Variants in STT3B observed in about 807,000 individuals in gnomAD.
STT3B encodes the protein dolichyl-diphosphooligosaccharide--protein glycosyltransferase subunit STT3B.
A neutral mutation model predicts 96.8 loss-of-function variants in STT3B; 29 were observed. The observed-to-expected ratio is 0.30, with a 90% CI of 0.22 to 0.41. STT3B has a LOEUF of 0.41. STT3B is among the 10% of genes least tolerant of loss of function. The pLI is 1.00. For missense variants in STT3B, 640 were observed against 1,022.3 expected (o/e 0.63, Z 5.10); for synonymous variants, 367 against 360.0 (o/e 1.02, Z -0.22).
chr3:31,577,142 C>A (rs573362558), intron 2 of STT3B, among the ~76,000 whole-genome samples: 28 of 152,118 alleles, frequency 1.8e-4, no homozygotes, highest in Admixed American at 6.5e-4. Flanking sequence ...TTTTTCTTAA[C>A]CCAAAGAAAC....
chr3:31,625,615 T>C (rs1188370284), intron 12 of STT3B, among the ~76,000 whole-genome samples: 1 of 152,234 alleles, frequency 6.6e-6, no homozygotes, highest in African/African-American at 2.4e-5. Flanking sequence ...AAGAAATGTA[T>C]GTGCTAGCAA....
intron 5 of STT3B, among the ~76,000 whole-genome samples, chr3:31,600,983 G>T (rs1238688410): frequency 2.6e-5 from 4 of 152,100 alleles, no homozygotes; most frequent in African/African-American, 9.7e-5. Context: ...CCATGATAGA[G>T]TTAGAACTTC....
chr3:31,584,634 T>C (rs1307361669), intron 3 of STT3B, among the ~76,000 whole-genome samples: 1 of 152,178 alleles, frequency 6.6e-6, no homozygotes, highest in Non-Finnish European at 1.5e-5. Flanking sequence ...AAGGATGGAA[T>C]GGTAAAACAT....
chr3:31,582,166 C>G (rs1226638269), intron 3 of STT3B, among the ~76,000 whole-genome samples: 1 of 151,760 alleles, frequency 6.6e-6, no homozygotes, highest in African/African-American at 2.4e-5. Flanking sequence ...TTTCTGTGTT[C>G]TTTTTCTTTT....
chr3:31,545,654 C>T (rs111303797), intron 1 of STT3B, among the ~76,000 whole-genome samples: 1 of 33,612 alleles, frequency 3.0e-5, no homozygotes, highest in Non-Finnish European at 1.8e-4. Context: ...TAGCACTAGG[C>T]AACATTATGC....
chr3:31,619,045 C>T (rs1699374024), intron 8 of STT3B, among the ~76,000 whole-genome samples: 1 of 151,838 alleles, frequency 6.6e-6, no homozygotes, highest in African/African-American at 2.4e-5. Flanking sequence ...ATTTCCTTCA[C>T]CTGTCTCCAT....
chr3:31,556,234 T>C (rs574545056), intron 1 of STT3B, among the ~76,000 whole-genome samples: 104 of 152,316 alleles, frequency 6.8e-4, no homozygotes, highest in Non-Finnish European at 1.3e-3. Flanking sequence ...GACATACTTT[T>C]ATTCTTTTTA....
At chr3:31,567,511 C>A (rs1698034146) in intron 1 of STT3B, among the ~76,000 whole-genome samples, 1 of 152,118 alleles carries the variant, frequency 6.6e-6, no homozygotes, top group South Asian at 2.1e-4. Context: ...AGCATTATGG[C>A]TAACAATATA....
At chr3:31,546,862 A>G (rs1438935880) in intron 1 of STT3B, among the ~76,000 whole-genome samples, 2 of 152,108 alleles carry the variant, frequency 1.3e-5, no homozygotes, top group Admixed American at 6.5e-5. Flanking sequence ...TATTGCCCCC[A>G]TTTTACAGAT....
chr3:31,552,920 G>A (rs1007272648), intron 1 of STT3B, among the ~76,000 whole-genome samples: 3 of 151,780 alleles, frequency 2.0e-5, no homozygotes, highest in African/African-American at 7.3e-5. Flanking sequence ...TGGCTAACAC[G>A]GTGAAACCCC....
At chr3:31,550,321 A>C (rs1256992638) in intron 1 of STT3B, among the ~76,000 whole-genome samples, 2 of 152,220 alleles carry the variant, frequency 1.3e-5, no homozygotes, top group African/African-American at 2.4e-5. Context: ...ACATTTTTGC[A>C]GCCTTTAAAC....
At chr3:31,542,590 G>T (rs150719500) in intron 1 of STT3B, among the ~76,000 whole-genome samples, 1 of 152,130 alleles carries the variant, frequency 6.6e-6, no homozygotes, top group Non-Finnish European at 1.5e-5. Flanking sequence ...GTGGGTATAC[G>T]TACTGTATCC....
intron 1 of STT3B, among the ~76,000 whole-genome samples, chr3:31,574,510 A>G (rs1698223154): frequency 6.6e-6 from 1 of 152,122 alleles, no homozygotes; most frequent in Admixed American, 6.6e-5. Flanking sequence ...CAGCCTTTCC[A>G]TAATCCTCGC....
intron 1 of STT3B, among the ~76,000 whole-genome samples, chr3:31,558,672 G>A (rs1233964578): frequency 6.6e-6 from 1 of 152,112 alleles, no homozygotes; most frequent in African/African-American, 2.4e-5. Context: ...TCTGGGTAAT[G>A]CCTCATAGAA....
Position 31,564,646 on chromosome 3 carries a change from T to C in STT3B, c.315-11750T>C, listed in dbSNP as rs1192687771. 2.6e-5 allele frequency among the ~76,000 whole-genome samples: 4 copies of C among 152,234 alleles called. No individual in the cohort carries two copies. The East Asian group carries it at 7.7e-4, about 29-fold the overall frequency. On this transcript the variant is annotated intron_variant, in intron 1 of 15. Coordinates refer to ENST00000295770, the MANE Select transcript of STT3B (RefSeq NM_178862.3). ...ATTCTCTTAGGCTGGGGGTTTCTTT[T>C]CTCAAGGACCTTCCAATCCAGTGGA...
chr3:31,628,314 A>C (rs1699579277), intron 13 of STT3B, among the ~76,000 whole-genome samples: 1 of 152,062 alleles, frequency 6.6e-6, no homozygotes, highest in Non-Finnish European at 1.5e-5. Flanking sequence ...TTCACTTCAT[A>C]ATATGTCTTG....
intron 1 of STT3B, among the ~76,000 whole-genome samples, chr3:31,558,721 A>G (rs1375949721): frequency 6.6e-6 from 1 of 152,124 alleles, no homozygotes; most frequent in Non-Finnish European, 1.5e-5. Context: ...GTTGTTTGGA[A>G]TAGTTTGAGG....
At chr3:31,585,117 T>C (rs1698506937) in intron 3 of STT3B, among the ~76,000 whole-genome samples, 1 of 152,170 alleles carries the variant, frequency 6.6e-6, no homozygotes, top group Non-Finnish European at 1.5e-5. Flanking sequence ...ATAAGTACTT[T>C]GTCATAGCAT....
chr3:31,555,800 T>A (rs1697691604), intron 1 of STT3B, among the ~76,000 whole-genome samples: 1 of 152,174 alleles, frequency 6.6e-6, no homozygotes, highest in Admixed American at 6.5e-5. Flanking sequence ...TTTAATGGTG[T>A]ACATATCATA....
Sources: allele counts gnomAD v4.1 joint callset (sites outside exome capture counted in the v4.1 genomes callset), GRCh38; gene constraint gnomAD v4.1.1; transcripts MANE v1.5; gene names NCBI Gene and HGNC (gene_info 2026-07-23, HGNC 2026-07-21).